Variants in FBXL7 observed in about 807,000 individuals in gnomAD.
FBXL7 encodes F-box/LRR-repeat protein 7.
FBXL7 carries 12 observed loss-of-function variants against 38.3 expected under a neutral mutation model. That is an observed-to-expected ratio of 0.31 (90% CI 0.20 to 0.51). FBXL7 has a LOEUF of 0.51. FBXL7 is among the 20% of genes least tolerant of loss of function. The pLI is 0.98. For missense variants in FBXL7, 567 were observed against 676.4 expected (o/e 0.84, Z 1.79); for synonymous variants, 297 against 300.9 (o/e 0.99, Z 0.13).
At chr5:15,893,101 G>C (rs1426488299) in intron 2 of FBXL7, among the ~76,000 whole-genome samples, 1 of 149,466 alleles carries the variant, frequency 6.7e-6, no homozygotes, top group Non-Finnish European at 1.5e-5. Flanking sequence ...GGGTGACAGA[G>C]TGAGACTCTG....
At chr5:15,502,312 C>G (rs1472178118) in intron 1 of FBXL7, among the ~76,000 whole-genome samples, 4 of 151,802 alleles carry the variant, frequency 2.6e-5, no homozygotes, top group Admixed American at 6.6e-5. Context: ...TCTTCTATCC[C>G]AGCATTCTCG....
At chr5:15,686,642 T>C (rs936449630) in intron 2 of FBXL7, among the ~76,000 whole-genome samples, 1 of 152,186 alleles carries the variant, frequency 6.6e-6, no homozygotes, top group African/African-American at 2.4e-5. Flanking sequence ...ACTTAAAACA[T>C]ACATAATTAG....
Position 15,929,345 on chromosome 5 carries a change from C to A in FBXL7, c.739+844C>A, listed in dbSNP as rs550983801. Among the ~76,000 whole-genome samples the A allele has an allele frequency of 3.9e-4, 59 of 152,312 alleles. 1 individual carries two copies. The highest frequency in any genetic ancestry group is 1.3e-3 in the African/African-American group (54 of 41,568). ...CTTTTAAAAATTGAAGGAAGTCGGG[C>A]GTAGAGGCCCACGCCTGTAATCCCA... On this transcript the variant is annotated intron_variant, in intron 3 of 3. Coordinates refer to ENST00000504595, the MANE Select transcript of FBXL7 (RefSeq NM_012304.5).
chr5:15,591,019 G>T (rs568621696), intron 1 of FBXL7, among the ~76,000 whole-genome samples: 8 of 152,222 alleles, frequency 5.3e-5, no homozygotes, highest in South Asian at 2.1e-4. Flanking sequence ...ACCACAGCTT[G>T]CCCTTTTTAT....
intron 2 of FBXL7, among the ~76,000 whole-genome samples, chr5:15,843,962 G>A (rs1173455357): frequency 6.6e-6 from 1 of 151,512 alleles, no homozygotes; most frequent in Non-Finnish European, 1.5e-5. Flanking sequence ...TAAAGATTAA[G>A]CTAAAAAGCT....
chr5:15,831,619 G>A (rs1738458225), intron 2 of FBXL7, among the ~76,000 whole-genome samples: 2 of 152,178 alleles, frequency 1.3e-5, no homozygotes, highest in African/African-American at 4.8e-5. Context: ...GGTGAGCCAA[G>A]AGGTCTGTTT....
At chr5:15,682,718 A>C (rs1014745987) in intron 2 of FBXL7, among the ~76,000 whole-genome samples, 2 of 152,192 alleles carry the variant, frequency 1.3e-5, no homozygotes, top group African/African-American at 4.8e-5. Flanking sequence ...GAATTCCCAA[A>C]GGGCTCTTGG....
intron 2 of FBXL7, among the ~76,000 whole-genome samples, chr5:15,816,446 G>A (rs940555170): frequency 6.6e-6 from 1 of 152,128 alleles, no homozygotes; most frequent in Non-Finnish European, 1.5e-5. Flanking sequence ...CTATTGGTAT[G>A]CAAAAGCATA....
chr5:15,810,913 A>G (rs755211487), intron 2 of FBXL7, among the ~76,000 whole-genome samples: 8 of 152,192 alleles, frequency 5.3e-5, no homozygotes, highest in Non-Finnish European at 1.0e-4. Context: ...TAAATAATCA[A>G]AGAAAATGTA....
chr5:15,755,468 T>A (rs187044096), intron 2 of FBXL7, among the ~76,000 whole-genome samples: 10 of 152,306 alleles, frequency 6.6e-5, no homozygotes, highest in African/African-American at 2.2e-4. Context: ...CATATACAGA[T>A]ATAAATTGTG....
At position 15,937,534 on chromosome 5, in the gene FBXL7, C is replaced by A. The variant is rs1742231885; in HGVS notation, c.*348C>A. ...TTTCCCTCGCACACAGGCCCCACCCCCACAGTTCCACGCCCCCCCCCCAAG... is the reference window on the plus strand; with the variant it reads ...TTTCCCTCGCACACAGGCCCCACCCACACAGTTCCACGCCCCCCCCCCAAG... On this transcript the variant is annotated 3_prime_UTR_variant, in exon 4 of 4. Coordinates refer to ENST00000504595, the MANE Select transcript of FBXL7 (RefSeq NM_012304.5). 1 of 198,438 alleles carries A rather than the reference C, an allele frequency of 5.0e-6. No homozygotes were observed. Among genetic ancestry groups the A allele is most frequent in the Non-Finnish European group, 9.6e-6 (1 of 103,768 alleles). The allele number at this position is 198,438 out of a possible 1,614,324, so 12.3% of individuals were successfully genotyped here. A position where few individuals can be genotyped will look rare whatever the true frequency, so the allele number is the denominator to read the frequency against.
intron 2 of FBXL7, among the ~76,000 whole-genome samples, chr5:15,817,978 T>C (rs1738065612): frequency 6.6e-6 from 1 of 152,118 alleles, no homozygotes; most frequent in Non-Finnish European, 1.5e-5. Flanking sequence ...ATGAAGTGAG[T>C]CTGTAACTTT....
intron 1 of FBXL7, among the ~76,000 whole-genome samples, chr5:15,515,201 C>T (rs1736901303): frequency 6.6e-6 from 1 of 152,198 alleles, no homozygotes. Context: ...AAAGGGGAGC[C>T]TTCAGCTGAC....
chr5:15,629,071 A>T (rs559160313), intron 2 of FBXL7, among the ~76,000 whole-genome samples: 1 of 151,822 alleles, frequency 6.6e-6, no homozygotes, highest in Non-Finnish European at 1.5e-5. Context: ...TGAGGCTAGG[A>T]GTTCAAGACC....
intron 1 of FBXL7, among the ~76,000 whole-genome samples, chr5:15,518,816 C>T (rs1445790017): frequency 6.6e-6 from 1 of 152,156 alleles, no homozygotes; most frequent in African/African-American, 2.4e-5. Context: ...GGGACTGATA[C>T]ACTTGGGCAT....
At chr5:15,884,091 C>T (rs1740575096) in intron 2 of FBXL7, among the ~76,000 whole-genome samples, 1 of 152,072 alleles carries the variant, frequency 6.6e-6, no homozygotes, top group Admixed American at 6.5e-5. Context: ...ATCAAAGTAC[C>T]AGCAAGGTAG....
rs554836394 is a variant in FBXL7 at position 15,611,991 on chromosome 5, GAAAAC to G, written c.38-3987_38-3983del. ...GTGAGACACCATTTCAAAAAAAAAA[GAAAAC>G]AAAAATAAAAACAAAATCTTTACTT... On this transcript the variant is annotated intron_variant, in intron 1 of 3. Transcript: ENST00000504595. 4.6e-5 allele frequency among the ~76,000 whole-genome samples: 7 copies of G among 151,388 alleles called. No homozygotes were observed. In the South Asian group the frequency reaches 1.3e-3, roughly 27 times the overall value.
At chr5:15,627,545 G>T (rs1249026906) in intron 2 of FBXL7, among the ~76,000 whole-genome samples, 1 of 152,156 alleles carries the variant, frequency 6.6e-6, no homozygotes, top group African/African-American at 2.4e-5. Flanking sequence ...AAAACATGGG[G>T]TTACAGATTG....
At chr5:15,808,028 C>A (rs564431767) in intron 2 of FBXL7, among the ~76,000 whole-genome samples, 1 of 152,092 alleles carries the variant, frequency 6.6e-6, no homozygotes, top group East Asian at 1.9e-4. Flanking sequence ...GACCGTAGAC[C>A]AGGATTTGGC....
Sources: allele counts gnomAD v4.1 joint callset (sites outside exome capture counted in the v4.1 genomes callset), GRCh38; gene constraint gnomAD v4.1.1; transcripts MANE v1.5; gene names NCBI Gene and HGNC (gene_info 2026-07-23, HGNC 2026-07-21).